The following ATAD2 variants were observed in gnomAD, a reference collection of about 807,000 sequenced individuals.
The protein encoded by ATAD2 is ATPase family AAA domain containing 2.
In ATAD2, 62 loss-of-function variants were observed where a neutral mutation model predicts 168.9. The observed-to-expected ratio is 0.37, with a 90% CI of 0.30 to 0.45. ATAD2 has a LOEUF of 0.45. ATAD2 is among the 20% of genes least tolerant of loss of function. ATAD2 has a pLI of 1.00. For synonymous variants in ATAD2, 613 were observed against 571.6 expected (o/e 1.07, Z -1.03); for missense variants, 1,419 against 1,667.8 (o/e 0.85, Z 2.60).
upstream of ATAD2, chr8:123,396,595 G>A (rs1691279369): frequency 3.7e-6 from 2 of 541,446 alleles, no homozygotes; most frequent in Admixed American, 3.5e-5. Flanking sequence ...ACGTGGAGAG[G>A]AACACAGGCC....
chr8:123,404,788 C>T (rs1033525644), intron 1 of ATAD2, among the ~76,000 whole-genome samples: 3 of 152,166 alleles, frequency 2.0e-5, no homozygotes, highest in African/African-American at 7.2e-5. Flanking sequence ...GATCCACCCA[C>T]CTCGGCCTCC....
chr8:123,321,156 T>C lies in ATAD2; in HGVS notation c.4151A>G (p.Glu1384Gly). The C allele has an allele frequency of 6.2e-7, 1 of 1,610,130 alleles. No individual in the cohort carries two copies. Among genetic ancestry groups the C allele is most frequent in the Non-Finnish European group, 8.5e-7 (1 of 1,178,998 alleles). ...SLIQKMEQEV[E>G]NFSCSR ...TCATCATCTGGAACAACTGAAGTTT[T>C]CTACCTCTTGCTCCATTTTCTAGAT... Residue 1384 changes from glutamate (E) to glycine (G), a missense_variant, in exon 28 of 28, where the codon GAA (glutamate) becomes GGA (glycine). Glu to Gly is a moderately conservative substitution (Grantham distance 98). Transcript: ENST00000287394.
At chr8:123,394,251 C>A (rs1812724497) in intron 1 of ATAD2, among the ~76,000 whole-genome samples, 2 of 152,120 alleles carry the variant, frequency 1.3e-5, no homozygotes, top group Non-Finnish European at 2.9e-5. Flanking sequence ...GGGTATCATC[C>A]CATTTAACAA....
chr8:123,344,709 T>C (rs935251003), intron 19 of ATAD2, 175 bp downstream of exon 19: 1 of 677,554 alleles, frequency 1.5e-6, no homozygotes, highest in Non-Finnish European at 2.5e-6. Context: ...CACATATACA[T>C]ATACCATCTT....
chr8:123,401,349 C>A, upstream of ATAD2: 1 of 1,405,584 alleles, frequency 7.1e-7, no homozygotes, highest in Non-Finnish European at 1.0e-6. Flanking sequence ...ACAAATACCG[C>A]CTGGACCTGC....
intron 13 of ATAD2, among the ~76,000 whole-genome samples, chr8:123,350,077 G>A (rs995195208): frequency 1.3e-5 from 2 of 152,018 alleles, no homozygotes; most frequent in African/African-American, 4.8e-5. Context: ...AGGACACACA[G>A]TATCTAAAAA....
intron 8 of ATAD2, among the ~76,000 whole-genome samples, chr8:123,368,656 A>C (rs1829049814): frequency 6.6e-6 from 1 of 152,230 alleles, no homozygotes; most frequent in Non-Finnish European, 1.5e-5. Context: ...AGAACATCTG[A>C]CATGGTAGGA....
intron 9 of ATAD2, 85 bp from the exon 10 acceptor site, chr8:123,359,770 G>A (rs1181943937): frequency 9.0e-6 from 8 of 892,768 alleles, no homozygotes; most frequent in African/African-American, 1.8e-5. Flanking sequence ...AAACATTTAA[G>A]TTAAAAAAAA....
At chr8:123,395,966 G>A (rs1812805359) in intron 1 of ATAD2, among the ~76,000 whole-genome samples, 1 of 152,202 alleles carries the variant, frequency 6.6e-6, no homozygotes, top group Non-Finnish European at 1.5e-5. Flanking sequence ...AAAAGTAGGT[G>A]GTGACCAAAT....
At chr8:123,349,494 A>AT in intron 13 of ATAD2, 50 bp from the exon 14 acceptor site, 1 of 1,512,188 alleles carries the variant, frequency 6.6e-7, no homozygotes, top group East Asian at 2.3e-5. Flanking sequence ...AACACAGTCT[A>AT]TATCATTCAG....
rs761145398 is a variant in ATAD2 at position 123,325,099 on chromosome 8, CTTTTTTT to C, written c.4002+787_4002+793del. Reference sequence around the variant, plus strand: ...ATATTAAAAAATAATAGTAATAATTCTTTTTTTTTTTTTTTTTTTGGAGACAGAGTTT... The same window carrying C: ...ATATTAAAAAATAATAGTAATAATTCTTTTTTTTTTTTGGAGACAGAGTTT... On this transcript the variant is annotated intron_variant, in intron 26 of 27. Coordinates refer to ENST00000287394, the MANE Select transcript of ATAD2 (RefSeq NM_014109.4). 2.1e-4 allele frequency among the ~76,000 whole-genome samples: 24 copies of C among 115,016 alleles called. No homozygotes were observed. In the East Asian group the frequency reaches 4.2e-3, roughly 20 times the overall value. The allele number at this position is 115,016 out of a possible 152,430, so 75.5% of individuals were successfully genotyped here.
In ATAD2 at chr8:123,402,823, A is replaced by G. The variant is rs1186397365; in HGVS notation, c.-2281-1648T>C. ...CAAGCAGGTCTCAATGCCAATAATA[A>G]TAATAATAATAATAATAATAAAAAT... On this transcript the variant is annotated intron_variant, in intron 1 of 28. Coordinates refer to the ATAD2 transcript ENST00000521903. This position sits in a 1 kb window ranked among gnomAD's most constrained non-coding sequence, Gnocchi z 4.8. Among the ~76,000 whole-genome samples the G allele has an allele frequency of 6.6e-6, 1 of 151,648 alleles. No homozygotes were observed. Among genetic ancestry groups the G allele is most frequent in the African/African-American group, 2.4e-5 (1 of 41,266 alleles).
intron 1 of ATAD2, among the ~76,000 whole-genome samples, chr8:123,381,535 T>A (rs1043520799): frequency 6.9e-6 from 1 of 145,754 alleles, no homozygotes; most frequent in African/African-American, 2.8e-5. Context: ...CAAAACTGTT[T>A]AAGTATGTTA....
chr8:123,346,012 C>CA, intron 18 of ATAD2, 74 bp downstream of exon 18: 4 of 1,227,320 alleles, frequency 3.3e-6, no homozygotes, highest in Admixed American at 2.9e-5. Context: ...AAACACAATA[C>CA]AAAAAAATGG....
At chr8:123,367,133 G>T (rs529994879) in intron 8 of ATAD2, among the ~76,000 whole-genome samples, 3 of 152,040 alleles carry the variant, frequency 2.0e-5, no homozygotes, top group Non-Finnish European at 2.9e-5. Flanking sequence ...CCAATAACTC[G>T]GCCGGGTGCA....
intron 14 of ATAD2, among the ~76,000 whole-genome samples, chr8:123,348,621 G>A (rs182670362): frequency 5.9e-5 from 9 of 152,314 alleles, no homozygotes; most frequent in Admixed American, 5.9e-4. Context: ...AAGTTGCAGT[G>A]AGCTGAGATT....
At chr8:123,329,776 T>A (rs1312454570) in intron 24 of ATAD2, among the ~76,000 whole-genome samples, 13 of 11,494 alleles carry the variant, frequency 1.1e-3, no homozygotes, top group South Asian at 3.9e-3. Context: ...AAAAAAAAAA[T>A]TTTTCACTTT....
At position 123,369,244 on chromosome 8, in the gene ATAD2, A is replaced by T. The variant is rs1829067506; in HGVS notation, c.932-69T>A. The T allele has an allele frequency of 6.7e-6, 4 of 596,156 alleles. No homozygotes were observed. In the Admixed American group the frequency reaches 1.9e-4, roughly 28 times the overall value. 36.9% of individuals were successfully genotyped at this position (596,156 alleles called of 1,614,324 possible). On this transcript the variant is annotated intron_variant, in intron 7 of 27. Transcript: ENST00000287394. ...ATATGGCATACAAATATGTATGAAG[A>T]TAATTTTGCTCTTCATCTAAATACT...
At chr8:123,335,794 T>C (rs1827898383) in intron 22 of ATAD2, among the ~76,000 whole-genome samples, 1 of 152,124 alleles carries the variant, frequency 6.6e-6, no homozygotes, top group Non-Finnish European at 1.5e-5. Flanking sequence ...TAACATACAT[T>C]GTACCCACTA....
Sources: allele counts gnomAD v4.1 joint callset (sites outside exome capture counted in the v4.1 genomes callset), GRCh38; gene constraint gnomAD v4.1.1; non-coding constraint Gnocchi (gnomAD v3.1); transcripts MANE v1.5; gene names NCBI Gene and HGNC (gene_info 2026-07-23, HGNC 2026-07-21).